TCF12: variants seen among roughly 807,000 people sequenced by gnomAD.
TCF12 encodes the protein transcription factor 12, also known as DNA-binding protein HTF4.
Under a neutral mutation model 86.0 loss-of-function variants are expected in TCF12, and 45 were observed. The ratio of observed to expected loss-of-function variants is 0.52; its 90% CI spans 0.41 to 0.67. TCF12 has a LOEUF of 0.67. Among genes scored for constraint, TCF12 ranks in the 30% least tolerant of loss-of-function variants. The probability of loss-of-function intolerance (pLI) is 0.00; values close to 1 mark genes in which losing one functional copy is unlikely to be tolerated. For missense variants in TCF12, 881 were observed against 859.9 expected (o/e 1.02, Z -0.31); for synonymous variants, 330 against 299.6 (o/e 1.10, Z -1.05).
chr15:57,182,620 C>G lies in TCF12; in HGVS notation c.391-9538C>G, dbSNP rs935935139. On this transcript the variant is annotated intron_variant, in intron 6 of 20. Transcript: ENST00000333725. ...ATGGTTATTTCTGTGATTAGGACAG[C>G]TGAAAGAAGTGTAACCTGTGCATCT... Among the ~76,000 whole-genome samples, 8 of 152,192 alleles carry G rather than the reference C, an allele frequency of 5.3e-5. 1 individual carries two copies. In the Middle Eastern group the frequency reaches 0.017, roughly 324 times the overall value.
chr15:57,251,840 T>C (rs1867638), intron 14 of TCF12, among the ~76,000 whole-genome samples: 32,109 of 152,222 alleles, frequency 0.21, 3,652 homozygotes, highest in Non-Finnish European at 0.25. Flanking sequence ...TACATTTCCA[T>C]TAAAAATTTT....
chr15:57,093,510 T>A (rs1243077626), intron 5 of TCF12, among the ~76,000 whole-genome samples: 4 of 152,224 alleles, frequency 2.6e-5, no homozygotes, highest in African/African-American at 9.6e-5. Context: ...TTAGGCCCAA[T>A]GGAATTTCAT....
In TCF12 at chr15:57,197,152, C is replaced by CTTTTTTTTTTTTTTTTTTTTT. The variant is rs138145337; in HGVS notation, c.527-620_527-600dup. On this transcript the variant is annotated intron_variant, in intron 7 of 20. Coordinates refer to ENST00000333725, the MANE Select transcript of TCF12 (RefSeq NM_207037.2). ...TATAGTACCTGGCACAGAACAGCTT[C>CTTTTTTTTTTTTTTTTTTTTT]TTTTTTTTTTTTTTTTTTTTTGAGA... is the stretch of plus-strand genomic sequence containing the variant. Among the ~76,000 whole-genome samples the CTTTTTTTTTTTTTTTTTTTTT allele has an allele frequency of 1.8e-4, 16 of 87,256 alleles. 2 individuals are homozygous for CTTTTTTTTTTTTTTTTTTTTT. Among genetic ancestry groups the CTTTTTTTTTTTTTTTTTTTTT allele is most frequent in the African/African-American group, 3.9e-4 (9 of 23,156 alleles). 57.2% of individuals were successfully genotyped at this position (87,256 alleles called of 152,430 possible). A position where few individuals can be genotyped will look rare whatever the true frequency, so the allele number is the denominator to read the frequency against.
intron 3 of TCF12, among the ~76,000 whole-genome samples, chr15:57,002,865 C>G (rs2585118): frequency 0.95 from 143,988 of 152,294 alleles, 68,348 homozygotes; most frequent in Non-Finnish European, 0.99. Context: ...CTCGCACCTG[C>G]AAAACCAACA....
In TCF12 at chr15:57,257,738, C is replaced by T. The variant is rs74728125; in HGVS notation, c.1467+4270C>T. 7.2e-3 allele frequency among the ~76,000 whole-genome samples: 1,086 copies of T among 150,506 alleles called. 14 individuals are homozygous for T. Among genetic ancestry groups the T allele is most frequent in the African/African-American group, 0.025 (1,007 of 40,844 alleles). On this transcript the variant is annotated intron_variant, in intron 16 of 20. Coordinates refer to ENST00000333725, the MANE Select transcript of TCF12 (RefSeq NM_207037.2). ...ACAGGTCAGCTCCCAGCCTGCAGTACGGACAAGTCAGTGATCAAGGTTACT... is the reference window on the plus strand; with the variant it reads ...ACAGGTCAGCTCCCAGCCTGCAGTATGGACAAGTCAGTGATCAAGGTTACT...
At chr15:57,139,829 C>T (rs953791689) in intron 5 of TCF12, among the ~76,000 whole-genome samples, 12 of 152,144 alleles carry the variant, frequency 7.9e-5, no homozygotes, top group African/African-American at 2.9e-4. Flanking sequence ...TCCATAATCT[C>T]CCTATAGAAG....
intron 6 of TCF12, among the ~76,000 whole-genome samples, chr15:57,182,430 G>T (rs2056411401): frequency 6.6e-6 from 1 of 151,894 alleles, no homozygotes; most frequent in Non-Finnish European, 1.5e-5. Context: ...TCAAGTCCTT[G>T]TGGACAAAAT....
In TCF12 at chr15:57,289,694, AC is replaced by A. The variant is rs1210310845; in HGVS notation, c.*3550del. Reference sequence around the variant, plus strand: ...AGTCCTCGATTCAAATCTAAGCTCAACATCTGATTAACTTCATTTTCCTATC... The same window carrying A: ...AGTCCTCGATTCAAATCTAAGCTCAAATCTGATTAACTTCATTTTCCTATC... On this transcript the variant is annotated 3_prime_UTR_variant, in exon 21 of 21. Transcript: ENST00000333725. 68 of 152,278 alleles carry A rather than the reference AC, an allele frequency of 4.5e-4. No individual in the cohort carries two copies. The highest frequency in any genetic ancestry group is 1.6e-3 in the African/African-American group (66 of 41,554). 9.4% of individuals were successfully genotyped at this position (152,278 alleles called of 1,614,324 possible). A position where few individuals can be genotyped will look rare whatever the true frequency, so the allele number is the denominator to read the frequency against.
chr15:57,211,072 C>T (rs1489807944), intron 8 of TCF12, among the ~76,000 whole-genome samples: 1 of 152,160 alleles, frequency 6.6e-6, no homozygotes, highest in East Asian at 1.9e-4. Flanking sequence ...AGGGCATAGC[C>T]ATAAATGTTT....
intron 3 of TCF12, among the ~76,000 whole-genome samples, chr15:56,976,486 C>G (rs1033419996): frequency 6.6e-6 from 1 of 151,704 alleles, no homozygotes; most frequent in Admixed American, 6.6e-5. Flanking sequence ...ATCCGCCCGC[C>G]TCGGCCTCCC....
At chr15:56,928,805 A>C (rs1329925608) in intron 3 of TCF12, among the ~76,000 whole-genome samples, 1 of 152,110 alleles carries the variant, frequency 6.6e-6, no homozygotes, top group Non-Finnish European at 1.5e-5. Flanking sequence ...TTCTTTCTGG[A>C]GTGAGGCATA....
chr15:57,138,872 C>A (rs753457498), intron 5 of TCF12, among the ~76,000 whole-genome samples: 3 of 152,024 alleles, frequency 2.0e-5, no homozygotes, highest in Non-Finnish European at 4.4e-5. Flanking sequence ...ACTAAATGAT[C>A]AAAATTTTAG....
At chr15:56,928,787 A>G (rs774894882) in intron 3 of TCF12, among the ~76,000 whole-genome samples, 4 of 152,222 alleles carry the variant, frequency 2.6e-5, no homozygotes, top group Admixed American at 1.3e-4. Flanking sequence ...TTCTCCAGCT[A>G]CTTGAAATTC....
intron 5 of TCF12, among the ~76,000 whole-genome samples, chr15:57,133,820 GC>G (rs2151364671): frequency 6.6e-6 from 1 of 152,206 alleles, no homozygotes; most frequent in East Asian, 1.9e-4. Flanking sequence ...GATGTTATGT[GC>G]TTTTCTCTTT....
In TCF12 at chr15:57,237,054, G is replaced by A. The variant is rs1229965905; in HGVS notation, c.1035+2947G>A. On this transcript the variant is annotated intron_variant, in intron 12 of 20. Transcript: ENST00000333725. Reference sequence around the variant, plus strand: ...CTTTAATTTAGAGGAGATCAAACAAGAAGACTGTTTAACTTTGTTGATTAT... The same window carrying A: ...CTTTAATTTAGAGGAGATCAAACAAAAAGACTGTTTAACTTTGTTGATTAT... 2.0e-5 allele frequency among the ~76,000 whole-genome samples: 3 copies of A among 151,954 alleles called. No homozygotes were observed. In the East Asian group the frequency reaches 5.8e-4, roughly 29 times the overall value.
In TCF12 at chr15:57,103,499, C is replaced by T. The variant is rs573332310; in HGVS notation, c.325+11608C>T. Among the ~76,000 whole-genome samples the T allele has an allele frequency of 7.9e-5, 12 of 152,160 alleles. No individual in the cohort carries two copies. The East Asian group carries it at 1.5e-3, about 20-fold the overall frequency. ...CACATGTACATTTGGAAAAGTTAAA[C>T]GCAAATTGTATAAAGAAAACAGTCC... is the stretch of plus-strand genomic sequence containing the variant. On this transcript the variant is annotated intron_variant, in intron 5 of 20. Transcript: ENST00000333725.
chr15:57,196,217 C>CT (rs1441157855), intron 7 of TCF12, among the ~76,000 whole-genome samples: 6 of 151,626 alleles, frequency 4.0e-5, no homozygotes, highest in Non-Finnish European at 8.8e-5. Context: ...CATGCATAGA[C>CT]TTATTTTTTT....
At chr15:56,953,914 C>G (rs1241477008) in intron 3 of TCF12, among the ~76,000 whole-genome samples, 1 of 103,872 alleles carries the variant, frequency 9.6e-6, no homozygotes, top group African/African-American at 3.5e-5. Context: ...TCCCCCATTT[C>G]TTTGACTTCT....
chr15:56,940,582 T>TCC (rs2060705800), intron 3 of TCF12, among the ~76,000 whole-genome samples: 2 of 149,582 alleles, frequency 1.3e-5, no homozygotes, highest in African/African-American at 4.9e-5. Context: ...CTTCTTCTCC[T>TCC]TCTCCTCCTC....
Sources: gnomAD v4.1 joint callset for allele counts (sites outside exome capture counted in the v4.1 genomes callset) on GRCh38, gnomAD v4.1.1 for gene constraint, MANE v1.5 for transcripts, NCBI Gene and HGNC (gene_info 2026-07-23, HGNC 2026-07-21) for gene names.